The following NEK1 variants were observed in gnomAD, a reference collection of about 807,000 sequenced individuals.
NEK1 encodes the protein NIMA related kinase 1, also known as serine/threonine-protein kinase Nek1.
NEK1 carries 137 observed loss-of-function variants against 182.1 expected under a neutral mutation model. The observed-to-expected ratio is 0.75, with a 90% CI of 0.65 to 0.87. NEK1 has a LOEUF of 0.87. Ranked by LOEUF, NEK1 falls within the 40% of genes least tolerant of loss-of-function variation. The pLI, the probability that NEK1 is intolerant of heterozygous loss-of-function variation, is 0.00. For missense variants in NEK1, 1,391 were observed against 1,494.4 expected (o/e 0.93, Z 1.14); for synonymous variants, 513 against 492.2 (o/e 1.04, Z -0.56).
intron 12 of NEK1, among the ~76,000 whole-genome samples, chr4:169,563,543 C>T (rs1763255776): frequency 6.6e-6 from 1 of 152,026 alleles, no homozygotes; most frequent in Admixed American, 6.6e-5. Context: ...AATGTAAATA[C>T]GATATGTCTA....
chr4:169,463,009 C>A (rs1013598405), intron 27 of NEK1, among the ~76,000 whole-genome samples: 1 of 152,042 alleles, frequency 6.6e-6, no homozygotes, highest in Non-Finnish European at 1.5e-5. Context: ...CAACTCCACC[C>A]ATACACACTT....
At chr4:169,397,335 A>G (rs970963775) in intron 35 of NEK1, among the ~76,000 whole-genome samples, 8 of 152,224 alleles carry the variant, frequency 5.3e-5, no homozygotes, top group Non-Finnish European at 1.0e-4. Context: ...TTCTGAATCA[A>G]TGAATATGAA....
intron 23 of NEK1, among the ~76,000 whole-genome samples, chr4:169,506,147 C>A: frequency 6.9e-6 from 1 of 145,334 alleles, no homozygotes; most frequent in Admixed American, 6.9e-5. Flanking sequence ...GAGCAAATAA[C>A]TAAGAACAAT....
intron 5 of NEK1, among the ~76,000 whole-genome samples, chr4:169,597,140 A>G (rs981287546): frequency 1.4e-4 from 21 of 152,214 alleles, no homozygotes; most frequent in African/African-American, 5.1e-4. Flanking sequence ...ACAAACAATG[A>G]AATATATCTG....
Position 169,589,468 on chromosome 4 carries a change from C to T in NEK1, c.443G>A (p.Gly148Glu). The change falls in exon 7 of 36, where the codon GGA becomes GAA. Residue 148 changes from glycine to glutamate, a missense_variant. Around this residue, in one of 5 missense-constraint regions of NEK1, gnomAD observed 116 missense variants for 114.5 expected, o/e 1.01. Coordinates refer to ENST00000507142, the MANE Select transcript of NEK1 (RefSeq NM_001199397.3). The stretch of plus-strand genomic sequence containing the variant: ...TTACCTATTAAGAACTCTAGCAATT[C>T]CAAAATCTCCAAGTTGTACTGTTCC... ...KDGTVQLGDFGIARVLNSTVE... is the reference protein window; with the variant it reads ...KDGTVQLGDFEIARVLNSTVE... 5 of 1,513,316 alleles carry T rather than the reference C, an allele frequency of 3.3e-6. No individual in the cohort carries two copies. The highest frequency in any genetic ancestry group is 4.5e-6 in the Non-Finnish European group (5 of 1,118,898). 93.7% of individuals were successfully genotyped at this position (1,513,316 alleles called of 1,614,324 possible).
chr4:169,401,432 AG>A (rs1403866287), intron 33 of NEK1, among the ~76,000 whole-genome samples: 1 of 152,210 alleles, frequency 6.6e-6, no homozygotes, highest in Non-Finnish European at 1.5e-5. Context: ...GCTTCAAAAA[AG>A]CATTGACATA....
chr4:169,563,473 T>G (rs940200796), intron 12 of NEK1, among the ~76,000 whole-genome samples: 6 of 152,322 alleles, frequency 3.9e-5, no homozygotes, highest in Admixed American at 3.9e-4. Context: ...GCCACTTTAT[T>G]TAATTTATTA....
At chr4:169,431,159 C>T (rs2149403410) in intron 29 of NEK1, among the ~76,000 whole-genome samples, 1 of 151,950 alleles carries the variant, frequency 6.6e-6, no homozygotes, top group South Asian at 2.1e-4. Context: ...GAAGGATGAG[C>T]CAATGCAGAT....
At chr4:169,418,379 C>T (rs6819063) in intron 31 of NEK1, among the ~76,000 whole-genome samples, 107,920 of 152,060 alleles carry the variant, frequency 0.71, 40,961 homozygotes, top group Middle Eastern at 0.87. Context: ...ACAAGGTCCA[C>T]CTTCAAATAA....
At chr4:169,515,591 C>T (rs1453222949) in intron 19 of NEK1, among the ~76,000 whole-genome samples, 14 of 135,146 alleles carry the variant, frequency 1.0e-4, no homozygotes, top group Admixed American at 2.3e-4. Context: ...CATGCTGGTG[C>T]GCTGCACCCA....
At chr4:169,555,602 C>CA in intron 18 of NEK1, 118 bp downstream of exon 18, 2 of 1,377,448 alleles carry the variant, frequency 1.5e-6, no homozygotes, top group Non-Finnish European at 2.0e-6. Flanking sequence ...ACCCAAGAGG[C>CA]AAAAAACATC....
At chr4:169,483,230 A>G (rs544887641) in intron 23 of NEK1, among the ~76,000 whole-genome samples, 1 of 152,206 alleles carries the variant, frequency 6.6e-6, no homozygotes. Context: ...ACATTCATCA[A>G]TTAAATTTCC....
At chr4:169,599,360 T>C (rs1164990114) in intron 4 of NEK1, among the ~76,000 whole-genome samples, 163 bp from the exon 5 acceptor site, 1 of 152,170 alleles carries the variant, frequency 6.6e-6, no homozygotes, top group African/African-American at 2.4e-5. Context: ...GTCACAAAGA[T>C]TGTATAATGA....
Position 169,590,778 on chromosome 4 carries a change from G to A in NEK1, c.344C>T (p.Ala115Val), listed in dbSNP as rs1581011769. The A allele has an allele frequency of 1.9e-6, 3 of 1,598,406 alleles. No homozygotes were observed. Among genetic ancestry groups the A allele is most frequent in the East Asian group, 2.2e-5 (1 of 44,536 alleles). The change falls in exon 6 of 36, where the codon GCC becomes GTC. Residue 115 changes from alanine to valine, a missense_variant. By Grantham distance (64) the Ala-to-Val change is moderately conservative. Coordinates refer to ENST00000507142, the MANE Select transcript of NEK1 (RefSeq NM_001199397.3). ...TTTTCTATCATGTACATGTTTCAGG[G>A]CCAAACATATCTGTACAAACCAGTC... Reference protein sequence around the residue: ...ILDWFVQICLALKHVHDRKIL... With the variant: ...ILDWFVQICLVLKHVHDRKIL...
At chr4:169,547,481 G>A (rs1760702870) in intron 18 of NEK1, among the ~76,000 whole-genome samples, 1 of 152,040 alleles carries the variant, frequency 6.6e-6, no homozygotes, top group Non-Finnish European at 1.5e-5. Context: ...GAGTATCTTT[G>A]TGGTGTTCTC....
chr4:169,394,981 A>C (rs1426061480), intron 35 of NEK1, among the ~76,000 whole-genome samples: 2 of 152,208 alleles, frequency 1.3e-5, no homozygotes, highest in African/African-American at 4.8e-5. Flanking sequence ...TAAAAATTTG[A>C]CAATAAAATG....
intron 18 of NEK1, chr4:169,554,022 C>G (rs1389042525): frequency 2.0e-5 from 3 of 152,014 alleles, no homozygotes; most frequent in Non-Finnish European, 4.4e-5. Flanking sequence ...TTTATGTCCA[C>G]AAAAAAACCT....
At chr4:169,506,603 A>G (rs570712721) in intron 23 of NEK1, 1 of 152,416 alleles carries the variant, frequency 6.6e-6, no homozygotes, top group Non-Finnish European at 1.5e-5. Flanking sequence ...AAATACAAAA[A>G]TTAGCCAGGC....
chr4:169,499,445 G>C (rs1170722562), intron 23 of NEK1, among the ~76,000 whole-genome samples: 3 of 152,188 alleles, frequency 2.0e-5, no homozygotes, highest in African/African-American at 7.2e-5. Flanking sequence ...TTGCTGGTGA[G>C]GAGCTGCATT....
Sources: allele counts gnomAD v4.1 joint callset (sites outside exome capture counted in the v4.1 genomes callset), GRCh38; gene constraint gnomAD v4.1.1; regional missense constraint gnomAD v4.1.1; transcripts MANE v1.5; gene names NCBI Gene and HGNC (gene_info 2026-07-23, HGNC 2026-07-21).